The following SENP7 variants were observed in gnomAD, a reference collection of about 807,000 sequenced individuals.
SENP7 encodes the protein sentrin-specific protease 7.
Under a neutral mutation model 141.2 loss-of-function variants are expected in SENP7, and 64 were observed. The ratio of observed to expected loss-of-function variants is 0.45; its 90% CI spans 0.37 to 0.56. SENP7 has a LOEUF of 0.56. Among genes scored for constraint, SENP7 ranks in the 20% least tolerant of loss-of-function variants. The pLI is 0.00. For synonymous variants in SENP7, 382 were observed against 426.4 expected, an observed-to-expected ratio of 0.90 and a Z score of 1.28; for missense variants, 1,025 against 1,212.2, an observed-to-expected ratio of 0.85 and a Z score of 2.29.
At chr3:101,365,209 G>A (rs62280665) in intron 9 of SENP7, among the ~76,000 whole-genome samples, 19,441 of 151,508 alleles carry the variant, frequency 0.13, 1,299 homozygotes, top group South Asian at 0.18. Context: ...CACCATGTTC[G>A]CCAGGCTGGT....
At chr3:101,491,237 C>G (rs1392193575) in intron 3 of SENP7, among the ~76,000 whole-genome samples, 1 of 151,894 alleles carries the variant, frequency 6.6e-6, no homozygotes, top group African/African-American at 2.4e-5. Context: ...ATCCTCCCAC[C>G]TCAGCCTCCT....
intron 4 of SENP7, among the ~76,000 whole-genome samples, chr3:101,424,327 G>A (rs1417041921): frequency 3.4e-5 from 4 of 118,876 alleles, no homozygotes; most frequent in Admixed American, 1.0e-4. Context: ...CCCCATCCCC[G>A]CACGTTGCTT....
At chr3:101,496,330 A>ACTT (rs2065157119) in intron 2 of SENP7, among the ~76,000 whole-genome samples, 1 of 152,112 alleles carries the variant, frequency 6.6e-6, no homozygotes, top group East Asian at 1.9e-4. Context: ...AACATAACTT[A>ACTT]CTTCTGCTTC....
intron 23 of SENP7, among the ~76,000 whole-genome samples, chr3:101,327,048 T>TC (rs2058920145): frequency 6.6e-6 from 1 of 152,096 alleles, no homozygotes; most frequent in Admixed American, 6.6e-5. Flanking sequence ...TTTTGTATAC[T>TC]CCATGTCTTC....
At chr3:101,467,557 G>C (rs1490978661) in intron 3 of SENP7, among the ~76,000 whole-genome samples, 1 of 152,230 alleles carries the variant, frequency 6.6e-6, no homozygotes, top group South Asian at 2.1e-4. Context: ...GTGATACCCA[G>C]GCAAACTGGG....
Position 101,366,464 on chromosome 3 carries a change from A to G in SENP7, c.1284T>C (p.Asn428=). 2 of 1,612,090 alleles carry G rather than the reference A, an allele frequency of 1.2e-6. No homozygotes were observed. The highest frequency in any genetic ancestry group is 2.2e-5 in the South Asian group (2 of 90,648). Residue 428 remains asparagine, a synonymous_variant, in exon 9 of 24, where the codon AAT becomes AAC. Transcript: ENST00000394095. ...TIEKPILRGH[N]EGNQSLISAE... is the part of the protein sequence containing the mutation. ...CTGAGATCAGTGATTGGTTCCCTTC[A>G]TTATGTCCTCTTAGAATAGGCTTTT... is the stretch of plus-strand genomic sequence containing the variant.
intron 6 of SENP7, among the ~76,000 whole-genome samples, chr3:101,394,745 C>T (rs1304613161): frequency 6.6e-6 from 1 of 151,952 alleles, no homozygotes; most frequent in African/African-American, 2.4e-5. Flanking sequence ...ATAATAGTTA[C>T]ACCAATTTAC....
intron 3 of SENP7, among the ~76,000 whole-genome samples, chr3:101,486,974 T>C (rs879369049): frequency 2.6e-5 from 4 of 152,312 alleles, no homozygotes; most frequent in Middle Eastern, 3.4e-3. Flanking sequence ...GCTATTCTTA[T>C]ATGAGACAAA....
intron 5 of SENP7, among the ~76,000 whole-genome samples, chr3:101,408,396 A>C (rs2061364603): frequency 6.6e-6 from 1 of 152,174 alleles, no homozygotes; most frequent in Non-Finnish European, 1.5e-5. Context: ...ACTATTCGAC[A>C]AGATAGAGAA....
intron 4 of SENP7, among the ~76,000 whole-genome samples, chr3:101,443,289 G>C (rs1221264982): frequency 1.3e-5 from 2 of 152,134 alleles, no homozygotes; most frequent in African/African-American, 4.8e-5. Flanking sequence ...CGAGGGCTCT[G>C]TTCTGTTCCA....
At chr3:101,512,355 T>C (rs2065895440) in intron 1 of SENP7, among the ~76,000 whole-genome samples, 2 of 152,194 alleles carry the variant, frequency 1.3e-5, no homozygotes, top group South Asian at 4.1e-4. Flanking sequence ...TACCTCACGT[T>C]TTTATAACTC....
chr3:101,334,414 G>GA (rs35104502), intron 17 of SENP7, among the ~76,000 whole-genome samples: 19 of 146,464 alleles, frequency 1.3e-4, no homozygotes, highest in South Asian at 2.2e-4. Context: ...CTTATTGCAG[G>GA]AAAAAAAAAA....
chr3:101,453,997 T>C (rs1342506015), intron 4 of SENP7, among the ~76,000 whole-genome samples: 1 of 150,566 alleles, frequency 6.6e-6, no homozygotes, highest in East Asian at 2.0e-4. Flanking sequence ...GATGGAAAGA[T>C]GGAAGGAAAG....
intron 3 of SENP7, among the ~76,000 whole-genome samples, chr3:101,472,758 C>T (rs2064055488): frequency 1.3e-5 from 2 of 151,920 alleles, no homozygotes; most frequent in African/African-American, 2.4e-5. Flanking sequence ...TGAGTAAGTC[C>T]TTTTTTTAAA....
intron 6 of SENP7, among the ~76,000 whole-genome samples, chr3:101,380,614 G>A (rs1303606330): frequency 6.7e-6 from 1 of 148,514 alleles, no homozygotes; most frequent in East Asian, 2.0e-4. Flanking sequence ...ACTCCAGCCT[G>A]GGCAACATAG....
At chr3:101,449,102 G>A (rs558260888) in intron 4 of SENP7, among the ~76,000 whole-genome samples, 56 of 152,114 alleles carry the variant, frequency 3.7e-4, no homozygotes, top group African/African-American at 7.0e-4. Context: ...TACCAGATTC[G>A]ATCAACTGGA....
intron 6 of SENP7, among the ~76,000 whole-genome samples, chr3:101,376,737 A>C (rs1387747219): frequency 6.6e-6 from 1 of 152,200 alleles, no homozygotes; most frequent in Non-Finnish European, 1.5e-5. Context: ...ATACATATGT[A>C]ACAAACCTGC....
rs1223686829 is a variant in SENP7 at position 101,438,604 on chromosome 3, TTA to T, written c.284+20349_284+20350del. 4.6e-5 allele frequency among the ~76,000 whole-genome samples: 7 copies of T among 152,274 alleles called. No homozygotes were observed. The South Asian group carries it at 6.2e-4, about 14-fold the overall frequency. The stretch of plus-strand genomic sequence containing the variant: ...TGTATTTTACTACAATAAAAAAACT[TTA>T]GAGTCTTAAAATTCATTTAGTACAC... On this transcript the variant is annotated intron_variant, in intron 4 of 23. Coordinates refer to ENST00000394095, the MANE Select transcript of SENP7 (RefSeq NM_020654.5).
At chr3:101,339,988 C>T in intron 16 of SENP7, 107 bp downstream of exon 16, 1 of 1,360,846 alleles carries the variant, frequency 7.3e-7, no homozygotes, top group Non-Finnish European at 9.6e-7. Context: ...GAAATCTTGG[C>T]AGGCTACTTT....
Sources: allele counts gnomAD v4.1 joint callset (sites outside exome capture counted in the v4.1 genomes callset), GRCh38; gene constraint gnomAD v4.1.1; transcripts MANE v1.5; gene names NCBI Gene and HGNC (gene_info 2026-07-23, HGNC 2026-07-21).